Variants in SGPP1 observed in about 807,000 individuals in gnomAD.
SGPP1 encodes the protein hSPP1.
Under a neutral mutation model 33.0 loss-of-function variants are expected in SGPP1, and 21 were observed. The observed-to-expected ratio is 0.64, with a 90% CI of 0.45 to 0.92. The LOEUF (loss-of-function observed/expected upper bound fraction) is 0.92, where lower values mean the gene tolerates loss of function less well. Among genes scored for constraint, SGPP1 ranks in the 40% least tolerant of loss-of-function variants. SGPP1 has a pLI of 0.00. For synonymous variants in SGPP1, 239 were observed against 241.2 expected (o/e 0.99, Z 0.08); for missense variants, 543 against 589.4 (o/e 0.92, Z 0.81).
chr14:63,717,457 G>T (rs927090800), intron 1 of SGPP1, among the ~76,000 whole-genome samples: 3 of 151,976 alleles, frequency 2.0e-5, no homozygotes, highest in Non-Finnish European at 4.4e-5. Flanking sequence ...GAGTAGCTGG[G>T]ACTACAGGCA....
chr14:63,694,059 C>T (rs896608771), intron 2 of SGPP1, among the ~76,000 whole-genome samples: 6 of 152,080 alleles, frequency 3.9e-5, no homozygotes, highest in Admixed American at 1.3e-4. Context: ...GCGAGTGGAT[C>T]GCTTGAGCTC....
chr14:63,693,690 T>C (rs923711518), intron 2 of SGPP1, among the ~76,000 whole-genome samples: 9 of 152,144 alleles, frequency 5.9e-5, no homozygotes, highest in African/African-American at 2.2e-4. Flanking sequence ...CACAGCTTAT[T>C]GCAGCCTCAA....
chr14:63,724,024 T>G (rs890587890), intron 1 of SGPP1, among the ~76,000 whole-genome samples: 3 of 152,030 alleles, frequency 2.0e-5, no homozygotes, highest in Admixed American at 2.0e-4. Context: ...ACTACAGGCA[T>G]GCGCCACCAT....
At chr14:63,722,592 T>G in intron 1 of SGPP1, among the ~76,000 whole-genome samples, 1 of 147,120 alleles carries the variant, frequency 6.8e-6, no homozygotes, top group Non-Finnish European at 1.5e-5. Context: ...TTATAAAATA[T>G]AATTATTATA....
At chr14:63,691,533 T>C (rs577695556) in intron 2 of SGPP1, among the ~76,000 whole-genome samples, 55 of 152,310 alleles carry the variant, frequency 3.6e-4, no homozygotes, top group African/African-American at 1.3e-3. Flanking sequence ...TTGATTCCAC[T>C]GCATCCTCCA....
intron 2 of SGPP1, among the ~76,000 whole-genome samples, chr14:63,694,966 T>C (rs978672638): frequency 6.6e-6 from 1 of 152,202 alleles, no homozygotes; most frequent in Non-Finnish European, 1.5e-5. Flanking sequence ...TTTTCATTTA[T>C]ACTGATCAAA....
At chr14:63,688,312 T>G (rs1885023895) in intron 2 of SGPP1, among the ~76,000 whole-genome samples, 2 of 86,360 alleles carry the variant, frequency 2.3e-5, no homozygotes, top group African/African-American at 5.7e-5. Context: ...CAAGACTCTG[T>G]CTCAAAAAAA....
chr14:63,721,248 C>T (rs1002481826), intron 1 of SGPP1, among the ~76,000 whole-genome samples: 2 of 152,128 alleles, frequency 1.3e-5, no homozygotes, highest in African/African-American at 2.4e-5. Context: ...CCACTGCACT[C>T]CAGGCTGGGC....
At chr14:63,714,461 C>T (rs1482832479) in intron 1 of SGPP1, among the ~76,000 whole-genome samples, 3 of 152,074 alleles carry the variant, frequency 2.0e-5, no homozygotes, top group Non-Finnish European at 4.4e-5. Context: ...CGTTCTATCT[C>T]CCAGGCTAAG....
intron 2 of SGPP1, among the ~76,000 whole-genome samples, chr14:63,689,566 G>A (rs900687481): frequency 1.3e-5 from 2 of 152,100 alleles, no homozygotes; most frequent in Non-Finnish European, 2.9e-5. Flanking sequence ...GGAGGCCAAG[G>A]TGGGAGGATC....
chr14:63,710,466 A>G (rs1338043522), intron 1 of SGPP1, among the ~76,000 whole-genome samples: 1 of 152,232 alleles, frequency 6.6e-6, no homozygotes, highest in Non-Finnish European at 1.5e-5. Context: ...CATGTAAATA[A>G]CAGAAACCAA....
intron 1 of SGPP1, among the ~76,000 whole-genome samples, chr14:63,708,634 T>A (rs1270153218): frequency 1.3e-5 from 2 of 152,138 alleles, no homozygotes; most frequent in Non-Finnish European, 2.9e-5. Context: ...TAGGCAGACA[T>A]TAGGAGAAAT....
intron 2 of SGPP1, among the ~76,000 whole-genome samples, chr14:63,697,129 C>T (rs1212029380): frequency 6.6e-6 from 1 of 152,256 alleles, no homozygotes; most frequent in East Asian, 1.9e-4. Flanking sequence ...TGGCATCACA[C>T]AATATACCTT....
chr14:63,688,574 A>G (rs1328949177), intron 2 of SGPP1, among the ~76,000 whole-genome samples: 1 of 151,966 alleles, frequency 6.6e-6, no homozygotes, highest in Admixed American at 6.6e-5. Flanking sequence ...AAACCCTATG[A>G]TCTACTATTA....
intron 2 of SGPP1, among the ~76,000 whole-genome samples, chr14:63,688,659 C>T (rs565198898): frequency 3.1e-4 from 47 of 152,066 alleles, no homozygotes; most frequent in African/African-American, 1.1e-3. Flanking sequence ...CTCACCACTA[C>T]ACTGAAACCA....
Position 63,727,772 on chromosome 14 carries a change from C to G in SGPP1, c.173G>C (p.Arg58Pro). 1 of 1,495,716 alleles carries G rather than the reference C, an allele frequency of 6.7e-7. No individual in the cohort carries two copies. Among genetic ancestry groups the G allele is most frequent in the Non-Finnish European group, 8.9e-7 (1 of 1,129,066 alleles). The allele number at this position is 1,495,716 out of a possible 1,614,324, so 92.7% of individuals were successfully genotyped here. A position where few individuals can be genotyped will look rare whatever the true frequency, so the allele number is the denominator to read the frequency against. Residue 58 changes from arginine to proline, a missense_variant, in exon 1 of 3, where the codon CGG becomes CCG. Physicochemically the swap from Arg to Pro is moderately radical, Grantham distance 103 (BLOSUM62 -2). Coordinates refer to ENST00000247225, the MANE Select transcript of SGPP1 (RefSeq NM_030791.4). ...PLAGDPRLRG[R>P]QPGAPGGPQP... is the part of the protein sequence containing the mutation. ...GGGGCCTCCAGGCGCCCCTGGCTGC[C>G]GCCCTCGCAGTCGAGGGTCTCCGGC...
At chr14:63,717,459 C>G (rs1454936104) in intron 1 of SGPP1, among the ~76,000 whole-genome samples, 1 of 151,952 alleles carries the variant, frequency 6.6e-6, no homozygotes, top group Non-Finnish European at 1.5e-5. Context: ...GTAGCTGGGA[C>G]TACAGGCACC....
chr14:63,727,972 C>A lies in SGPP1; in HGVS notation c.-28G>T. ...TAACGGAACCCCCGGGAAGGCGGGC[C>A]GGCCTCCGGCGCAGCCCCGAACTGT... On this transcript the variant is annotated 5_prime_UTR_variant, in exon 1 of 3. Transcript: ENST00000247225. The A allele has an allele frequency of 1.3e-6, 2 of 1,527,238 alleles. No individual in the cohort carries two copies. The highest frequency in any genetic ancestry group is 1.7e-6 in the Non-Finnish European group (2 of 1,145,994). The allele number at this position is 1,527,238 out of a possible 1,614,324, so 94.6% of individuals were successfully genotyped here.
chr14:63,727,472 A>T lies in SGPP1; in HGVS notation c.473T>A (p.Leu158Gln). 1 of 1,614,088 alleles carries T rather than the reference A, an allele frequency of 6.2e-7. No homozygotes were observed. The highest frequency in any genetic ancestry group is 1.1e-5 in the South Asian group (1 of 91,084). Residue 158 changes from leucine (L) to glutamine (Q), a missense_variant, in exon 1 of 3, where the codon CTG becomes CAG. Physicochemically the swap from Leu to Gln is moderately radical, Grantham distance 113. Transcript: ENST00000247225. ...GATGACCACGAGCCTCCGGCCCACCAGAGGGTCCAGGTTCCAGATCCAGAA... is the reference window on the plus strand; with the variant it reads ...GATGACCACGAGCCTCCGGCCCACCTGAGGGTCCAGGTTCCAGATCCAGAA... Reference protein sequence around the residue: ...FPFWIWNLDPLVGRRLVVIWV... With the variant: ...FPFWIWNLDPQVGRRLVVIWV...
Sources: gnomAD v4.1 joint callset for allele counts (sites outside exome capture counted in the v4.1 genomes callset) on GRCh38, gnomAD v4.1.1 for gene constraint, MANE v1.5 for transcripts, NCBI Gene and HGNC (gene_info 2026-07-23, HGNC 2026-07-21) for gene names.